The following GRIP1 variants were observed in gnomAD, a reference collection of about 807,000 sequenced individuals.
The protein encoded by GRIP1 is glutamate receptor interacting protein 1.
Under a neutral mutation model 129.9 loss-of-function variants are expected in GRIP1, and 45 were observed. The observed-to-expected ratio is 0.35, with a 90% CI of 0.27 to 0.44. The LOEUF (loss-of-function observed/expected upper bound fraction) is 0.44. Ranked by LOEUF, GRIP1 falls within the 20% of genes least tolerant of loss-of-function variation. The pLI is 1.00. For synonymous variants in GRIP1, 530 were observed against 520.8 expected (o/e 1.02, Z -0.24); for missense variants, 1,196 against 1,396.8 (o/e 0.86, Z 2.29).
chr12:67,050,479 G>A (rs2043326377), intron 1 of GRIP1, among the ~76,000 whole-genome samples: 1 of 152,100 alleles, frequency 6.6e-6, no homozygotes, highest in Admixed American at 6.6e-5. Context: ...ACATGTAGTA[G>A]GGCCTCAATA....
chr12:66,916,693 A>C (rs1028573509), intron 1 of GRIP1, among the ~76,000 whole-genome samples: 9 of 152,088 alleles, frequency 5.9e-5, no homozygotes, highest in African/African-American at 2.2e-4. Context: ...TTTCTTCTCC[A>C]CTTTTTGCAA....
chr12:66,819,979 A>T (rs201154130), intron 1 of GRIP1, among the ~76,000 whole-genome samples: 1 of 151,726 alleles, frequency 6.6e-6, no homozygotes, highest in Admixed American at 6.6e-5. Context: ...AAAGATAAAA[A>T]CTCCAGGGAG....
At chr12:66,799,906 A>C (rs977372442) in intron 1 of GRIP1, among the ~76,000 whole-genome samples, 1 of 152,160 alleles carries the variant, frequency 6.6e-6, no homozygotes, top group African/African-American at 2.4e-5. Flanking sequence ...TTTTTCCTCT[A>C]AGAAGAACAA....
chr12:66,453,146 A>G (rs7316727), intron 11 of GRIP1, among the ~76,000 whole-genome samples: 35,054 of 152,202 alleles, frequency 0.23, 4,522 homozygotes, highest in Middle Eastern at 0.42. Context: ...TATGCATATC[A>G]GTGACAGCGC....
chr12:66,492,582 T>A (rs1366167995), intron 7 of GRIP1, among the ~76,000 whole-genome samples: 1 of 152,022 alleles, frequency 6.6e-6, no homozygotes, highest in Admixed American at 6.6e-5. Context: ...ATTCAGTGAG[T>A]CCCCAATAAA....
chr12:67,017,407 G>A (rs2042803944), intron 1 of GRIP1, among the ~76,000 whole-genome samples: 1 of 152,014 alleles, frequency 6.6e-6, no homozygotes, highest in African/African-American at 2.4e-5. Flanking sequence ...GAAGAATTAG[G>A]TGTATTTTAA....
intron 1 of GRIP1, among the ~76,000 whole-genome samples, chr12:66,705,295 C>T (rs1440203150): frequency 6.6e-6 from 1 of 151,960 alleles, no homozygotes; most frequent in Non-Finnish European, 1.5e-5. Context: ...ACTAATAAAA[C>T]TATCCATTTA....
At chr12:66,573,495 T>A (rs1311789575) in intron 2 of GRIP1, among the ~76,000 whole-genome samples, 1 of 152,178 alleles carries the variant, frequency 6.6e-6, no homozygotes, top group East Asian at 1.9e-4. Context: ...ACTCGTATAA[T>A]CCTCATTACA....
chr12:66,816,859 T>C (rs1440303993), intron 1 of GRIP1, among the ~76,000 whole-genome samples: 1 of 152,168 alleles, frequency 6.6e-6, no homozygotes, highest in African/African-American at 2.4e-5. Context: ...TCATGAAATA[T>C]GTTCATATAT....
intron 2 of GRIP1, among the ~76,000 whole-genome samples, chr12:66,555,472 G>C (rs1040616454): frequency 1.1e-4 from 17 of 152,096 alleles, no homozygotes; most frequent in African/African-American, 4.1e-4. Context: ...AGACTGCGAC[G>C]ACTACAATAA....
chr12:66,884,427 C>A (rs2040530568), intron 1 of GRIP1, among the ~76,000 whole-genome samples: 1 of 152,146 alleles, frequency 6.6e-6, no homozygotes, highest in African/African-American at 2.4e-5. Flanking sequence ...CTACAATCTT[C>A]TTAGGATAAA....
intron 13 of GRIP1, among the ~76,000 whole-genome samples, chr12:66,438,470 C>G (rs1003092909): frequency 6.6e-6 from 1 of 151,706 alleles, no homozygotes; most frequent in Non-Finnish European, 1.5e-5. Flanking sequence ...CAACTGCTCT[C>G]TACCCATTCG....
At chr12:66,741,979 A>G (rs2870913) in intron 1 of GRIP1, among the ~76,000 whole-genome samples, 15,331 of 152,192 alleles carry the variant, frequency 0.1, 1,114 homozygotes, top group African/African-American at 0.19. Flanking sequence ...ACTCATACTA[A>G]AGAAAACAAT....
chr12:66,955,728 A>G (rs1677359615), intron 1 of GRIP1, among the ~76,000 whole-genome samples: 1 of 151,984 alleles, frequency 6.6e-6, no homozygotes, highest in South Asian at 2.1e-4. Context: ...GTTGGTCTTG[A>G]ACTCCTGACC....
chr12:66,982,735 T>A (rs954547171), intron 1 of GRIP1, among the ~76,000 whole-genome samples: 1 of 152,184 alleles, frequency 6.6e-6, no homozygotes, highest in East Asian at 1.9e-4. Context: ...CCCCAACTGA[T>A]GCCCCGATTG....
intron 16 of GRIP1, among the ~76,000 whole-genome samples, chr12:66,399,680 G>T (rs1050342081): frequency 6.6e-6 from 1 of 151,892 alleles, no homozygotes; most frequent in East Asian, 1.9e-4. Flanking sequence ...TTATTTTCAG[G>T]CTTCTTGAGT....
At chr12:66,729,636 C>T (rs993810321) in intron 1 of GRIP1, among the ~76,000 whole-genome samples, 5 of 151,998 alleles carry the variant, frequency 3.3e-5, no homozygotes, top group East Asian at 1.9e-4. Context: ...TGCAGTGGTG[C>T]GATCTCGGCT....
At chr12:66,785,733 A>G (rs916322952) in intron 1 of GRIP1, among the ~76,000 whole-genome samples, 4 of 152,064 alleles carry the variant, frequency 2.6e-5, no homozygotes, top group Admixed American at 2.6e-4. Context: ...CAAAACAAAA[A>G]CTTCATTAAT....
At chr12:66,908,431 TAA>T (rs2040972410) in intron 1 of GRIP1, among the ~76,000 whole-genome samples, 1 of 152,160 alleles carries the variant, frequency 6.6e-6, no homozygotes, top group Admixed American at 6.5e-5. Context: ...TAAAAAAGGA[TAA>T]GTGCTGAAAA....
Sources: allele counts gnomAD v4.1 joint callset (sites outside exome capture counted in the v4.1 genomes callset), GRCh38; gene constraint gnomAD v4.1.1; transcripts MANE v1.5; gene names NCBI Gene and HGNC (gene_info 2026-07-23, HGNC 2026-07-21).